Variants in SGTA observed in about 807,000 individuals in gnomAD.
SGTA encodes the protein small glutamine-rich tetratricopeptide repeat-containing protein alpha.
Under a neutral mutation model 44.3 loss-of-function variants are expected in SGTA, and 22 were observed. The ratio of observed to expected loss-of-function variants is 0.50; its 90% confidence interval spans 0.36 to 0.71. SGTA has a LOEUF of 0.71. Ranked by LOEUF, SGTA falls within the 30% of genes least tolerant of loss-of-function variation. The pLI is 0.00. For synonymous variants in SGTA, 174 were observed against 177.6 expected (o/e 0.98, Z 0.16); for missense variants, 341 against 435.9 (o/e 0.78, Z 1.94).
At chr19:2,774,985 C>T (rs534962559) in intron 1 of SGTA, among the ~76,000 whole-genome samples, 1 of 152,364 alleles carries the variant, frequency 6.6e-6, no homozygotes, top group South Asian at 2.1e-4. Context: ...GGACGCTGCT[C>T]AGTGCCCTGG....
Position 2,755,699 on chromosome 19 carries a change from T to C in SGTA, c.*241A>G. The C allele has an allele frequency of 2.0e-6, 2 of 985,518 alleles. No homozygotes were observed. The highest frequency in any genetic ancestry group is 2.4e-6 in the Non-Finnish European group (2 of 830,002). The allele number at this position is 985,518 out of a possible 1,614,324, so 61.0% of individuals were successfully genotyped here. On this transcript the variant is annotated 3_prime_UTR_variant, in exon 12 of 12. Transcript: ENST00000221566. This position sits in a 1 kb window ranked among gnomAD's most constrained non-coding sequence, Gnocchi z 5.2. ...TTCTGGGGGCTGGAAGGGAGGTCGC[T>C]GCTGGTCTGTGCTCAGCTTGCTGGC...
At position 2,762,566 on chromosome 19, in the gene SGTA, G is replaced by A. The variant is rs1915027232; in HGVS notation, c.576C>T (p.Asn192=). Residue 192 remains asparagine (N), a synonymous_variant, in exon 7 of 12, where the codon AAC becomes AAT. Transcript: ENST00000221566. ...TCTTGAGGTTGGACTTGTATGTCTC[G>A]TTGTCGGGGTCCAGCTCCAGAGCCT... ...YKKALELDPD[N]ETYKSNLKIA... is the part of the protein sequence containing the mutation. The A allele has an allele frequency of 6.2e-6, 10 of 1,613,988 alleles. No individual in the cohort carries two copies. Among genetic ancestry groups the A allele is most frequent in the Middle Eastern group, 1.6e-4 (1 of 6,084 alleles).
At position 2,757,658 on chromosome 19, in the gene SGTA, A is replaced by G. The variant is rs112645232; in HGVS notation, c.827+35T>C. On this transcript the variant is annotated intron_variant, in intron 10 of 11. Transcript: ENST00000221566. ...CGCCTGCGAGCCCTGCCCGCCGCCC[A>G]CGTCCTCCGTCCTCTTGGAAGCAGT... The G allele has an allele frequency of 2.0e-6, 3 of 1,508,418 alleles. No individual in the cohort carries two copies. The South Asian group carries it at 3.9e-5, about 20-fold the overall frequency. The allele number at this position is 1,508,418 out of a possible 1,614,324, so 93.4% of individuals were successfully genotyped here.
At position 2,761,688 on chromosome 19, in the gene SGTA, C is replaced by T. The variant is rs745409320; in HGVS notation, c.637-166G>A. ...CAGCACGAAGCACATCGCAACCGCC[C>T]GGGGACGGCACAGTCTGTCATCCCG... On this transcript the variant is annotated intron_variant, in intron 7 of 11. Transcript: ENST00000221566. This position sits in a 1 kb window ranked among gnomAD's most constrained non-coding sequence, Gnocchi z 5.7. 6.6e-6 allele frequency among the ~76,000 whole-genome samples: 1 copy of T among 151,966 alleles called. No individual in the cohort carries two copies. Among genetic ancestry groups the T allele is most frequent in the Admixed American group, 6.5e-5 (1 of 15,274 alleles).
intron 1 of SGTA, among the ~76,000 whole-genome samples, chr19:2,772,769 G>A (rs1384782558): frequency 6.8e-6 from 1 of 146,674 alleles, no homozygotes; most frequent in Admixed American, 6.6e-5. Flanking sequence ...GCAGAAATGG[G>A]TGACGCGGCC....
Position 2,757,716 on chromosome 19 carries a change from G to A in SGTA, c.804C>T (p.Asn268=), listed in dbSNP as rs140024257. ...ACGCCTGGATGAGGCTGGCCAGGTC[G>A]TTCTGCGAGGGGCTGGTGCCGGGAG... ...LGTPGTSPSQ[N]DLASLIQAGQ... The change falls in exon 10 of 12, where the codon AAC becomes AAT. Residue 268 remains asparagine, a synonymous_variant. Coordinates refer to ENST00000221566, the MANE Select transcript of SGTA (RefSeq NM_003021.4). The A allele has an allele frequency of 3.4e-5, 54 of 1,597,284 alleles. No individual in the cohort carries two copies. Among genetic ancestry groups the A allele is most frequent in the Non-Finnish European group, 4.2e-5 (49 of 1,172,682 alleles).
chr19:2,764,401 G>C (rs1050314091), intron 5 of SGTA, among the ~76,000 whole-genome samples: 1 of 152,168 alleles, frequency 6.6e-6, no homozygotes, highest in African/African-American at 2.4e-5. Flanking sequence ...ATGTATTTAT[G>C]TATTTATTAT....
At chr19:2,782,763 C>T (rs542002938) in intron 1 of SGTA, 3 of 152,324 alleles carry the variant, frequency 2.0e-5, no homozygotes, top group African/African-American at 7.2e-5. Context: ...GAACAACGCC[C>T]GTTTTACAGA....
At chr19:2,774,859 CAT>C (rs1568312830) in intron 1 of SGTA, among the ~76,000 whole-genome samples, 1 of 152,112 alleles carries the variant, frequency 6.6e-6, no homozygotes, top group African/African-American at 2.4e-5. Flanking sequence ...TGTGCGCGCG[CAT>C]GTGTGTGTGT....
At chr19:2,759,896 G>T (rs755401728) in intron 8 of SGTA, among the ~76,000 whole-genome samples, 1 of 151,792 alleles carries the variant, frequency 6.6e-6, no homozygotes, top group Non-Finnish European at 1.5e-5. Context: ...GGAGGGGGAG[G>T]TTGCAGTGAG....
At chr19:2,778,785 AAAC>A (rs1915503078) in intron 1 of SGTA, among the ~76,000 whole-genome samples, 1 of 152,080 alleles carries the variant, frequency 6.6e-6, no homozygotes, top group Admixed American at 6.6e-5. Flanking sequence ...GTCTCTAACA[AAAC>A]AAAACAAAAC....
At chr19:2,764,811 C>A (rs1258934910) in intron 5 of SGTA, among the ~76,000 whole-genome samples, 1 of 152,132 alleles carries the variant, frequency 6.6e-6, no homozygotes, top group East Asian at 1.9e-4. Flanking sequence ...AGTGATCCCC[C>A]CCGCCTCAGC....
intron 1 of SGTA, among the ~76,000 whole-genome samples, chr19:2,773,268 G>A (rs1449753716): frequency 4.2e-5 from 1 of 23,818 alleles, no homozygotes; most frequent in Non-Finnish European, 6.1e-5. Flanking sequence ...TGGGTGACGC[G>A]GCCACAGGGC....
intron 9 of SGTA, 122 bp from the exon 10 acceptor site, chr19:2,757,904 T>G (rs1914874729): frequency 1.6e-6 from 1 of 634,056 alleles, no homozygotes; most frequent in Non-Finnish European, 2.5e-6. Context: ...CAGGAGAGGA[T>G]TCTCTCTCAC....
intron 9 of SGTA, among the ~76,000 whole-genome samples, chr19:2,758,320 G>A (rs1377877267): frequency 6.6e-6 from 1 of 152,172 alleles, no homozygotes; most frequent in Non-Finnish European, 1.5e-5. Context: ...CCTGAGGTCA[G>A]GAGTTCAAGA....
rs539742666 is a variant in SGTA, at chr19:2,765,767, C to T, written c.293-482G>A. ...TCCCAGCTGGTAGGACGGTAAAAAC[C>T]CCAGCTGCTATCCTAGAACTGAGAG... On this transcript the variant is annotated intron_variant, in intron 4 of 11. Transcript: ENST00000221566. This position sits in a 1 kb window ranked among gnomAD's most constrained non-coding sequence, Gnocchi z 5.5. Among the ~76,000 whole-genome samples the T allele has an allele frequency of 2.0e-5, 3 of 152,230 alleles. No individual in the cohort carries two copies. In the South Asian group the frequency reaches 6.2e-4, roughly 32 times the overall value.
At chr19:2,771,863 G>T (rs192198960) in intron 1 of SGTA, among the ~76,000 whole-genome samples, 46 of 152,370 alleles carry the variant, frequency 3.0e-4, no homozygotes, top group Admixed American at 4.6e-4. Context: ...CTCTGTTCTT[G>T]CGATGAGGTT....
At position 2,767,711 on chromosome 19, in the gene SGTA, C is replaced by T; in HGVS notation, c.101-25G>A. ...ACTGAAGCGGGGACAGAGGCGGTCC[C>T]ATTCATTGCACGCAGCCCCGAGGTT... On this transcript the variant is annotated intron_variant, in intron 2 of 11. Coordinates refer to ENST00000221566, the MANE Select transcript of SGTA (RefSeq NM_003021.4). This position sits in a 1 kb window ranked among gnomAD's most constrained non-coding sequence, Gnocchi z 7.3. 6.3e-7 allele frequency: 1 copy of T among 1,575,894 alleles called. No homozygotes were observed. The highest frequency in any genetic ancestry group is 8.7e-7 in the Non-Finnish European group (1 of 1,145,878).
chr19:2,757,926 C>T, intron 9 of SGTA, 144 bp from the exon 10 acceptor site: 1 of 537,700 alleles, frequency 1.9e-6, no homozygotes, highest in Non-Finnish European at 3.2e-6. Context: ...ACCTGGTGGG[C>T]CTCCAGGGCC....
Sources: allele counts gnomAD v4.1 joint callset (sites outside exome capture counted in the v4.1 genomes callset), GRCh38; gene constraint gnomAD v4.1.1; non-coding constraint Gnocchi (gnomAD v3.1); transcripts MANE v1.5; gene names NCBI Gene and HGNC (gene_info 2026-07-23, HGNC 2026-07-21).